DAPL1: variants seen among roughly 807,000 people sequenced by gnomAD.
The protein encoded by DAPL1 is death-associated protein-like 1.
Under a neutral mutation model 12.9 loss-of-function variants are expected in DAPL1, and 17 were observed. The observed-to-expected ratio is 1.32, with a 90% confidence interval of 0.90 to 1.98. The LOEUF is 1.98. DAPL1 is among the 30% of genes most tolerant of loss of function. DAPL1 has a pLI of 0.00. For synonymous variants in DAPL1, 51 were observed against 42.0 expected (o/e 1.21, Z -0.82); for missense variants, 157 against 125.7 (o/e 1.25, Z -1.19).
At chr2:158,799,213 T>A (rs1370969286) in intron 1 of DAPL1, among the ~76,000 whole-genome samples, 2 of 152,210 alleles carry the variant, frequency 1.3e-5, no homozygotes, top group Admixed American at 1.3e-4. Flanking sequence ...CTCTAGTTCA[T>A]CTTCATTATT....
chr2:158,799,800 C>T (rs924957911), intron 1 of DAPL1, among the ~76,000 whole-genome samples: 13 of 152,060 alleles, frequency 8.5e-5, no homozygotes, highest in Admixed American at 3.9e-4. Context: ...ATGACAGAGA[C>T]GATTTAAAGA....
At chr2:158,809,640 T>C (rs4459689) in intron 3 of DAPL1, among the ~76,000 whole-genome samples, 32,207 of 152,044 alleles carry the variant, frequency 0.21, 4,473 homozygotes, top group Non-Finnish European at 0.31. Context: ...TAGGGACATG[T>C]TGAGAGTAAA....
intron 2 of DAPL1, among the ~76,000 whole-genome samples, chr2:158,805,494 G>A (rs2059196203): frequency 8.1e-6 from 1 of 122,990 alleles, no homozygotes; most frequent in Admixed American, 8.2e-5. Context: ...CGATTGAATT[G>A]CAAGCTGATT....
chr2:158,801,343 G>T (rs1376494014), intron 1 of DAPL1, among the ~76,000 whole-genome samples: 1 of 152,118 alleles, frequency 6.6e-6, no homozygotes, highest in South Asian at 2.1e-4. Context: ...TGTATCAAAG[G>T]CCCCAGAGCT....
At chr2:158,813,778 A>G (rs961688247) in intron 3 of DAPL1, among the ~76,000 whole-genome samples, 7 of 152,034 alleles carry the variant, frequency 4.6e-5, no homozygotes, top group Non-Finnish European at 7.4e-5. Context: ...GATGGTCTCG[A>G]TCGCCTGACC....
intron 2 of DAPL1, among the ~76,000 whole-genome samples, chr2:158,806,702 G>C (rs954029782): frequency 3.3e-5 from 5 of 151,956 alleles, no homozygotes; most frequent in Admixed American, 3.3e-4. Flanking sequence ...CAGGCATGGT[G>C]GTGCATGCCT....
chr2:158,806,541 T>TA (rs70994228), intron 2 of DAPL1, among the ~76,000 whole-genome samples: 14,270 of 148,844 alleles, frequency 0.096, 840 homozygotes, highest in South Asian at 0.18. Flanking sequence ...AATAAAAAGG[T>TA]AAAAAAAAAA....
chr2:158,811,719 G>A (rs890780641), intron 3 of DAPL1, among the ~76,000 whole-genome samples: 3 of 152,068 alleles, frequency 2.0e-5, no homozygotes, highest in Non-Finnish European at 1.5e-5. Flanking sequence ...TTCTCTCGTG[G>A]GGTTACCCTA....
chr2:158,808,827 C>T (rs1353148066), intron 3 of DAPL1, among the ~76,000 whole-genome samples: 1 of 152,150 alleles, frequency 6.6e-6, no homozygotes, highest in Non-Finnish European at 1.5e-5. Context: ...TATTTGTTAA[C>T]TCGAAATAAA....
At chr2:158,804,489 A>G in intron 2 of DAPL1, 120 bp downstream of exon 2, 1 of 539,540 alleles carries the variant, frequency 1.9e-6, no homozygotes, top group Non-Finnish European at 3.2e-6. Flanking sequence ...AGAAGGGGGC[A>G]GGAGGGGGAG....
intron 1 of DAPL1, among the ~76,000 whole-genome samples, chr2:158,803,179 T>C (rs564436770): frequency 6.6e-6 from 1 of 152,356 alleles, no homozygotes; most frequent in Non-Finnish European, 1.5e-5. Flanking sequence ...AGGAAGCTTA[T>C]AACATTAGCA....
At chr2:158,805,236 A>G (rs1445062463) in intron 2 of DAPL1, among the ~76,000 whole-genome samples, 1 of 152,230 alleles carries the variant, frequency 6.6e-6, no homozygotes, top group Admixed American at 6.5e-5. Context: ...TCACTTTTAA[A>G]GATTGCTTCC....
rs1464216693 is a variant in DAPL1, at chr2:158,807,078, T to C, written c.170T>C (p.Ile57Thr). The change falls in exon 3 of 4, where the codon ATA becomes ACA. Residue 57 changes from isoleucine (I) to threonine (T), a missense_variant. Physicochemically the swap from Ile to Thr is moderately conservative, Grantham distance 89 (BLOSUM62 -1). Coordinates refer to ENST00000309950, the MANE Select transcript of DAPL1 (RefSeq NM_001017920.3). ...KTSAIANVAKIQTLDALNDAL... is the reference protein window; with the variant it reads ...KTSAIANVAKTQTLDALNDAL... ...AGTGCCATTGCAAATGTTGCCAAAA[T>C]ACAGACACTGGATGCCCTGAATGAC... is the stretch of plus-strand genomic sequence containing the variant. The C allele has an allele frequency of 1.9e-6, 3 of 1,612,542 alleles. No homozygotes were observed. The Admixed American group carries it at 5.0e-5, about 27-fold the overall frequency.
At chr2:158,807,437 G>A (rs531257342) in intron 3 of DAPL1, among the ~76,000 whole-genome samples, 1 of 152,290 alleles carries the variant, frequency 6.6e-6, no homozygotes, top group East Asian at 1.9e-4. Flanking sequence ...ATAAAAGGCA[G>A]CCTGTGGAGT....
At chr2:158,804,699 A>G (rs562652054) in intron 2 of DAPL1, among the ~76,000 whole-genome samples, 1 of 152,368 alleles carries the variant, frequency 6.6e-6, no homozygotes, top group South Asian at 2.1e-4. Context: ...CTATTTTCAG[A>G]TCAGCCTTTA....
chr2:158,795,571 T>G lies in DAPL1; in HGVS notation c.58+141T>G, dbSNP rs921633036. ...AACTCCATGCAGCCTGACTTCCTCTTATGTCTTTGATCCTTCTTAGCTTGT... is the reference window on the plus strand; with the variant it reads ...AACTCCATGCAGCCTGACTTCCTCTGATGTCTTTGATCCTTCTTAGCTTGT... On this transcript the variant is annotated intron_variant, in intron 1 of 3. Transcript: ENST00000309950. 5.0e-6 allele frequency: 4 copies of G among 795,016 alleles called. No individual in the cohort carries two copies. In the African/African-American group the frequency reaches 6.8e-5, roughly 14 times the overall value. The allele number at this position is 795,016 out of a possible 1,614,324, so 49.2% of individuals were successfully genotyped here. A position where few individuals can be genotyped will look rare whatever the true frequency, so the allele number is the denominator to read the frequency against.
At chr2:158,806,851 AAT>A (rs770749515) in intron 2 of DAPL1, among the ~76,000 whole-genome samples, 21,661 of 64,996 alleles carry the variant, frequency 0.33, 1,852 homozygotes, top group African/African-American at 0.45. Context: ...AAAAAAAAAT[AAT>A]AATAATAATA....
intron 3 of DAPL1, among the ~76,000 whole-genome samples, chr2:158,815,370 C>A (rs528068738): frequency 4.6e-5 from 7 of 152,284 alleles, no homozygotes; most frequent in Admixed American, 1.3e-4. Context: ...GTCCCTGTAG[C>A]CTTCTTAGAA....
chr2:158,797,446 C>G (rs1021782671), intron 1 of DAPL1, among the ~76,000 whole-genome samples: 1 of 152,024 alleles, frequency 6.6e-6, no homozygotes, highest in African/African-American at 2.4e-5. Flanking sequence ...GTAGTTGGAA[C>G]AGAAAGAAAC....
Sources: allele counts gnomAD v4.1 joint callset (sites outside exome capture counted in the v4.1 genomes callset), GRCh38; gene constraint gnomAD v4.1.1; transcripts MANE v1.5; gene names NCBI Gene and HGNC (gene_info 2026-07-23, HGNC 2026-07-21).